PTGER3: variants seen among roughly 807,000 people sequenced by gnomAD.
PTGER3 encodes the protein prostaglandin E2 receptor EP3 subtype.
A neutral mutation model predicts 34.7 loss-of-function variants in PTGER3; 22 were observed. The ratio of observed to expected loss-of-function variants is 0.63; its 90% confidence interval spans 0.45 to 0.91. The LOEUF (loss-of-function observed/expected upper bound fraction) is 0.91, where lower values mean the gene tolerates loss of function less well. Ranked by LOEUF, PTGER3 falls within the 40% of genes least tolerant of loss-of-function variation. The pLI is 0.00. For missense variants in PTGER3, 468 were observed against 519.4 expected, an observed-to-expected ratio of 0.90 and a Z score of 0.96; for synonymous variants, 241 against 230.1, an observed-to-expected ratio of 1.05 and a Z score of -0.43.
chr1:70,990,361 A>T lies in PTGER3; in HGVS notation c.1078-15973T>A, dbSNP rs913224434. Among the ~76,000 whole-genome samples, 55 of 98,552 alleles carry T rather than the reference A, an allele frequency of 5.6e-4. 1 individual carries two copies. The highest frequency in any genetic ancestry group is 1.7e-3 in the African/African-American group (49 of 29,468). The allele number at this position is 98,552 out of a possible 152,430, so 64.7% of individuals were successfully genotyped here. On this transcript the variant is annotated intron_variant, in intron 2 of 3. Coordinates refer to ENST00000306666, the MANE Select transcript of PTGER3 (RefSeq NM_198719.2). ...GACAGAACGAGACTGTCTCACACAC[A>T]CACACACACACACACACACACACAC... is the stretch of plus-strand genomic sequence containing the variant.
chr1:70,995,030 A>G (rs1289377146), intron 2 of PTGER3, among the ~76,000 whole-genome samples: 1 of 152,112 alleles, frequency 6.6e-6, no homozygotes, highest in Non-Finnish European at 1.5e-5. Context: ...TCACTGTAAT[A>G]TAAGTAGAGC....
chr1:70,995,674 G>C (rs768843274), intron 2 of PTGER3, among the ~76,000 whole-genome samples: 6 of 151,840 alleles, frequency 4.0e-5, no homozygotes, highest in Non-Finnish European at 8.8e-5. Flanking sequence ...TTATAAAATA[G>C]GAATAATAAC....
chr1:70,991,564 C>T (rs1429054179), intron 2 of PTGER3, among the ~76,000 whole-genome samples: 1 of 152,166 alleles, frequency 6.6e-6, no homozygotes, highest in Non-Finnish European at 1.5e-5. Context: ...GAGATGCATT[C>T]CGTGCCTCAG....
At chr1:71,010,782 C>A in intron 2 of PTGER3, 5 of 985,140 alleles carry the variant, frequency 5.1e-6, no homozygotes, top group Non-Finnish European at 6.0e-6. Flanking sequence ...TCTCCAAATT[C>A]AATTTGACAT....
At chr1:70,956,158 T>G (rs1254931518) in intron 2 of PTGER3, among the ~76,000 whole-genome samples, 1 of 152,186 alleles carries the variant, frequency 6.6e-6, no homozygotes, top group Non-Finnish European at 1.5e-5. Flanking sequence ...ACGAATGCAG[T>G]TCCCTCTATA....
exon 5 of PTGER3, chr1:70,852,721 TG>T (rs1557602742): frequency 7.9e-7 from 1 of 1,258,626 alleles, no homozygotes; most frequent in Non-Finnish European, 1.2e-6. Context: ...GGGGTGGGCT[TG>T]GGGGAAGAAG....
At chr1:70,990,537 A>G (rs942611376) in intron 2 of PTGER3, among the ~76,000 whole-genome samples, 1 of 151,706 alleles carries the variant, frequency 6.6e-6, no homozygotes, top group African/African-American at 2.4e-5. Context: ...ATGTACATGT[A>G]TATATATTTG....
chr1:70,985,499 A>C (rs1248959709), intron 2 of PTGER3, among the ~76,000 whole-genome samples: 2 of 152,154 alleles, frequency 1.3e-5, no homozygotes, highest in African/African-American at 4.8e-5. Context: ...AATGTTGGCG[A>C]ACTGACAAAC....
chr1:71,007,560 A>G, intron 2 of PTGER3: 1 of 985,394 alleles, frequency 1.0e-6, no homozygotes. Context: ...GAAGGTTAAC[A>G]GGTAGAAAAT....
At chr1:71,033,267 T>A (rs956268922) in intron 1 of PTGER3, among the ~76,000 whole-genome samples, 7 of 152,164 alleles carry the variant, frequency 4.6e-5, no homozygotes, top group Non-Finnish European at 7.3e-5. Context: ...TCTGGCAAAC[T>A]GTCTCCAAAA....
chr1:71,009,744 T>C, intron 2 of PTGER3: 4 of 985,186 alleles, frequency 4.1e-6, no homozygotes, highest in Non-Finnish European at 3.6e-6. Context: ...AATCTATACA[T>C]GCATTTTTCC....
chr1:71,001,660 G>C (rs1384211809), intron 2 of PTGER3, among the ~76,000 whole-genome samples: 2 of 152,174 alleles, frequency 1.3e-5, no homozygotes, highest in African/African-American at 2.4e-5. Context: ...TTTCCAGAGA[G>C]AAAGGAGAAT....
chr1:71,044,019 G>A (rs1050048633), intron 1 of PTGER3, among the ~76,000 whole-genome samples: 7 of 151,468 alleles, frequency 4.6e-5, no homozygotes, highest in Non-Finnish European at 1.0e-4. Flanking sequence ...GTTTGGCCAT[G>A]TTGGAATGCT....
rs143138084 is a variant in PTGER3, at chr1:70,881,588, A to G, written c.*24-28729T>C. Among the ~76,000 whole-genome samples, 169 of 151,698 alleles carry G rather than the reference A, an allele frequency of 1.1e-3. 1 individual carries two copies. The highest frequency in any genetic ancestry group is 3.6e-3 in the African/African-American group (149 of 41,324). ...AGCCTTTGAAGTTGCAGTCCTTTGG[A>G]TGGGCTTTTTGCTTTTATCTTTTTT... is the stretch of plus-strand genomic sequence containing the variant. On this transcript the variant is annotated intron_variant, in intron 4 of 4. Transcript: ENST00000370931.
At chr1:70,977,836 T>C (rs1653860996) in intron 2 of PTGER3, among the ~76,000 whole-genome samples, 1 of 152,036 alleles carries the variant, frequency 6.6e-6, no homozygotes, top group African/African-American at 2.4e-5. Context: ...CAGTCGAATG[T>C]TTTGCCTCCC....
chr1:70,882,489 A>G (rs546566221), intron 4 of PTGER3, among the ~76,000 whole-genome samples: 11 of 152,222 alleles, frequency 7.2e-5, no homozygotes, highest in South Asian at 2.1e-4. Context: ...GCCCTGTCCA[A>G]TGAAATGAGG....
chr1:70,855,959 T>C (rs1387755910), intron 4 of PTGER3, among the ~76,000 whole-genome samples: 1 of 152,162 alleles, frequency 6.6e-6, no homozygotes, highest in Non-Finnish European at 1.5e-5. Context: ...AGAAAAATGT[T>C]TGCTACAGAT....
intron 4 of PTGER3, among the ~76,000 whole-genome samples, chr1:70,871,124 A>G (rs184430976): frequency 6.6e-6 from 1 of 152,268 alleles, no homozygotes; most frequent in Non-Finnish European, 1.5e-5. Context: ...CAGTTGGTCC[A>G]TGGTTCTGCA....
At chr1:70,970,552 C>T (rs537442651), downstream of PTGER3, among the ~76,000 whole-genome samples, 1 of 152,266 alleles carries the variant, frequency 6.6e-6, no homozygotes, top group African/African-American at 2.4e-5. Flanking sequence ...TACAGCAAAA[C>T]TTCTGATACC....
Sources: gnomAD v4.1 joint callset for allele counts (sites outside exome capture counted in the v4.1 genomes callset) on GRCh38, gnomAD v4.1.1 for gene constraint, MANE v1.5 for transcripts, NCBI Gene and HGNC (gene_info 2026-07-23, HGNC 2026-07-21) for gene names.